Variants in ADAM32 observed in about 807,000 individuals in gnomAD.
ADAM32 encodes the protein ADAM metallopeptidase domain 32, also known as disintegrin and metalloproteinase domain-containing protein 32.
A neutral mutation model predicts 114.9 loss-of-function variants in ADAM32; 89 were observed. The observed-to-expected ratio is 0.77, with a 90% CI of 0.65 to 0.92. ADAM32 has a LOEUF of 0.92. Among genes scored for constraint, ADAM32 ranks in the 40% least tolerant of loss-of-function variants. The probability of loss-of-function intolerance (pLI) is 0.00; values close to 1 mark genes in which losing one functional copy is unlikely to be tolerated. For synonymous variants in ADAM32, 285 were observed against 307.5 expected (o/e 0.93, Z 0.77); for missense variants, 870 against 932.8 (o/e 0.93, Z 0.88).
intron 11 of ADAM32, among the ~76,000 whole-genome samples, chr8:39,207,910 C>CT (rs35410478): frequency 6.6e-6 from 1 of 152,082 alleles, no homozygotes; most frequent in Non-Finnish European, 1.5e-5. Flanking sequence ...GATTGCATTC[C>CT]TTTTTATGGT....
intron 10 of ADAM32, among the ~76,000 whole-genome samples, chr8:39,175,379 A>G (rs916084845): frequency 6.6e-6 from 1 of 152,142 alleles, no homozygotes; most frequent in African/African-American, 2.4e-5. Flanking sequence ...TAGTTTACTG[A>G]GAGATTTTAA....
chr8:39,136,780 T>C (rs948841685), intron 3 of ADAM32, 62 bp downstream of exon 3: 2 of 1,123,050 alleles, frequency 1.8e-6, no homozygotes, highest in South Asian at 3.3e-5. Context: ...TTACTTGCAA[T>C]AGAAAATGGA....
chr8:39,169,190 G>A (rs1218479610), intron 9 of ADAM32: 1 of 152,260 alleles, frequency 6.6e-6, no homozygotes, highest in Non-Finnish European at 1.5e-5. Flanking sequence ...ATTCGTTTTG[G>A]TGGGGGCTCT....
intron 17 of ADAM32, among the ~76,000 whole-genome samples, chr8:39,252,716 C>T (rs1333770412): frequency 6.6e-6 from 1 of 151,326 alleles, no homozygotes; most frequent in South Asian, 2.1e-4. Context: ...GACTCAAAAT[C>T]AGAAATGAAG....
At chr8:39,202,871 G>A (rs1167341164) in intron 11 of ADAM32, among the ~76,000 whole-genome samples, 1 of 152,130 alleles carries the variant, frequency 6.6e-6, no homozygotes, top group Non-Finnish European at 1.5e-5. Flanking sequence ...CTTTATTTCT[G>A]CCTTCATTTT....
intron 11 of ADAM32, among the ~76,000 whole-genome samples, chr8:39,203,377 C>T (rs900146674): frequency 6.6e-6 from 1 of 152,090 alleles, no homozygotes; most frequent in African/African-American, 2.4e-5. Context: ...ATCCCTTTAC[C>T]ATTATGTAAT....
At chr8:39,284,233 A>T (rs1813633964) in intron 24 of ADAM32, among the ~76,000 whole-genome samples, 2 of 152,186 alleles carry the variant, frequency 1.3e-5, no homozygotes, top group South Asian at 4.1e-4. Flanking sequence ...TACCTACAAG[A>T]TGTAAGATCT....
chr8:39,131,142 G>C (rs1264083082), intron 2 of ADAM32, among the ~76,000 whole-genome samples: 2 of 151,944 alleles, frequency 1.3e-5, no homozygotes, highest in African/African-American at 4.8e-5. Flanking sequence ...ATTTTTAGTA[G>C]AGAGGGGATT....
In ADAM32 at chr8:39,231,910, G is replaced by A. The variant is rs1038689529; in HGVS notation, c.1526-117G>A. On this transcript the variant is annotated intron_variant, in intron 14 of 24. Coordinates refer to ENST00000379907, the MANE Select transcript of ADAM32 (RefSeq NM_145004.7). Reference sequence around the variant, plus strand: ...TTATTCTTTCCTTACAACCTCACTAGGAAAAATGTTTCAATTAGATATTAA... The same window carrying A: ...TTATTCTTTCCTTACAACCTCACTAAGAAAAATGTTTCAATTAGATATTAA... 21 of 842,394 alleles carry A rather than the reference G, an allele frequency of 2.5e-5. No homozygotes were observed. The African/African-American group carries it at 2.8e-4, about 11-fold the overall frequency. 52.2% of individuals were successfully genotyped at this position (842,394 alleles called of 1,614,324 possible).
chr8:39,177,855 T>A (rs901335589), intron 10 of ADAM32, among the ~76,000 whole-genome samples: 4 of 152,228 alleles, frequency 2.6e-5, no homozygotes, highest in African/African-American at 7.2e-5. Context: ...TCTTCTGGCT[T>A]GCAAGGTTCC....
chr8:39,261,368 C>G (rs1053240940), intron 19 of ADAM32, among the ~76,000 whole-genome samples: 1 of 152,148 alleles, frequency 6.6e-6, no homozygotes, highest in African/African-American at 2.4e-5. Context: ...ACTTCAGTTG[C>G]ATCTGTGTTG....
intron 2 of ADAM32, among the ~76,000 whole-genome samples, chr8:39,133,855 G>C (rs1164505981): frequency 1.3e-5 from 2 of 152,202 alleles, no homozygotes; most frequent in Non-Finnish European, 2.9e-5. Flanking sequence ...GCGTTTGGGT[G>C]GGCCGGTCCT....
chr8:39,167,067 T>C (rs1176384537), intron 9 of ADAM32: 1 of 152,218 alleles, frequency 6.6e-6, no homozygotes, highest in African/African-American at 2.4e-5. Flanking sequence ...TTTATCTTTG[T>C]TTTTATTGCA....
intron 11 of ADAM32, among the ~76,000 whole-genome samples, chr8:39,195,781 C>G (rs574929692): frequency 4.6e-5 from 7 of 152,272 alleles, no homozygotes; most frequent in African/African-American, 1.7e-4. Flanking sequence ...TATACCAATA[C>G]TGTTCTGAAT....
chr8:39,205,237 G>GAGGC (rs1348810304), intron 11 of ADAM32, among the ~76,000 whole-genome samples: 3 of 152,246 alleles, frequency 2.0e-5, no homozygotes, highest in Admixed American at 6.5e-5. Flanking sequence ...GGAGTCTACA[G>GAGGC]AGGCAGGCAG....
At chr8:39,115,029 G>T (rs1840318572) in intron 1 of ADAM32, among the ~76,000 whole-genome samples, 1 of 152,236 alleles carries the variant, frequency 6.6e-6, no homozygotes. Context: ...CTGCAACCAT[G>T]TGGCTGCAAA....
chr8:39,279,660 A>G (rs1296826254), intron 22 of ADAM32, among the ~76,000 whole-genome samples: 5 of 151,876 alleles, frequency 3.3e-5, no homozygotes, highest in African/African-American at 4.8e-5. Flanking sequence ...TCACTTCCTT[A>G]TATCAGTTTC....
Position 39,165,063 on chromosome 8 carries a change from T to C in ADAM32, c.700T>C (p.Ser234Pro), listed in dbSNP as rs1275694890. 6.2e-7 allele frequency: 1 copy of C among 1,608,034 alleles called. No individual in the cohort carries two copies. Among genetic ancestry groups the C allele is most frequent in the Non-Finnish European group, 8.5e-7 (1 of 1,177,344 alleles). ...FTQFKVTIVL[S>P]SLELWSDENK... ...CCAATTTAAAGTTACTATTGTGCTG[T>C]CATCATTGGAGTTATGGTCAGATGA... Residue 234 changes from serine to proline, a missense_variant, in exon 9 of 25, where the codon TCA becomes CCA. Physicochemically the swap from Ser to Pro is moderately conservative, Grantham distance 74. Coordinates refer to ENST00000379907, the MANE Select transcript of ADAM32 (RefSeq NM_145004.7).
At chr8:39,183,218 A>T (rs1419291458) in intron 10 of ADAM32, among the ~76,000 whole-genome samples, 4 of 152,314 alleles carry the variant, frequency 2.6e-5, no homozygotes, top group East Asian at 1.9e-4. Context: ...GAGCAACCCC[A>T]AAGAATCATG....
Sources: allele counts gnomAD v4.1 joint callset (sites outside exome capture counted in the v4.1 genomes callset), GRCh38; gene constraint gnomAD v4.1.1; transcripts MANE v1.5; gene names NCBI Gene and HGNC (gene_info 2026-07-23, HGNC 2026-07-21).